The following LOC112694756 variants were observed in gnomAD, a reference collection of about 807,000 sequenced individuals.
chr16:30,063,086 A>G, the LOC112694756 span, among the ~76,000 whole-genome samples: 2 of 151,776 alleles, frequency 1.3e-5, no homozygotes, highest in African/African-American at 4.8e-5. Flanking sequence ...GGTTGCAGTG[A>G]GCCAAGATCG....
the LOC112694756 span, among the ~76,000 whole-genome samples, chr16:30,057,541 G>C: frequency 6.6e-6 from 1 of 152,186 alleles, no homozygotes; most frequent in South Asian, 2.1e-4. Context: ...CCCTGCCCTT[G>C]GAGTGGTGAC....
At chr16:30,065,055 G>A in the LOC112694756 span, among the ~76,000 whole-genome samples, 3 of 152,378 alleles carry the variant, frequency 2.0e-5, no homozygotes, top group East Asian at 3.9e-4. Context: ...TGGCGCAGAG[G>A]ACTACCAGCC....
At chr16:30,061,221 C>T in the LOC112694756 span, among the ~76,000 whole-genome samples, 2 of 152,386 alleles carry the variant, frequency 1.3e-5, no homozygotes, top group East Asian at 1.9e-4. Context: ...TCTAAGGACA[C>T]GCTGCTCCTA....
chr16:30,066,655 T>G, the LOC112694756 span, among the ~76,000 whole-genome samples: 5 of 152,190 alleles, frequency 3.3e-5, no homozygotes, highest in Non-Finnish European at 7.3e-5. Flanking sequence ...GGGATGTCCT[T>G]GAAGCCTTGG....
chr16:30,057,630 C>T, the LOC112694756 span, among the ~76,000 whole-genome samples: 2 of 152,128 alleles, frequency 1.3e-5, no homozygotes, highest in Admixed American at 6.6e-5. Flanking sequence ...TAATCCCTGG[C>T]ATGTTTTCAG....
At chr16:30,065,391 C>T in the LOC112694756 span, among the ~76,000 whole-genome samples, 1 of 152,148 alleles carries the variant, frequency 6.6e-6, no homozygotes. Context: ...GCCTGGGAGG[C>T]GAAACTCAGC....
chr16:30,058,605 C>T, the LOC112694756 span, among the ~76,000 whole-genome samples: 11 of 152,002 alleles, frequency 7.2e-5, no homozygotes, highest in Non-Finnish European at 1.3e-4. Context: ...CCTGCCTCAG[C>T]CTCCTGAGTA....
chr16:30,061,096 T>G, the LOC112694756 span, among the ~76,000 whole-genome samples: 4 of 152,272 alleles, frequency 2.6e-5, no homozygotes, highest in African/African-American at 9.6e-5. Context: ...ACAGCCATCC[T>G]GGGCCACTTC....
chr16:30,055,193 G>A, the LOC112694756 span: 183 of 399,358 alleles, frequency 4.6e-4, 1 homozygote, highest in Middle Eastern at 7.5e-3. Context: ...CTGCGCGGAC[G>A]GTAGCTCCCC....
the LOC112694756 span, among the ~76,000 whole-genome samples, chr16:30,061,757 G>A: frequency 4.0e-5 from 6 of 150,848 alleles, no homozygotes; most frequent in African/African-American, 1.5e-4. Flanking sequence ...AAGAGGTTTC[G>A]CCATGTTGGC....
the LOC112694756 span, chr16:30,053,445 C>T: frequency 3.4e-3 from 517 of 153,014 alleles, 2 homozygotes; most frequent in Non-Finnish European, 5.7e-3. Context: ...CTCTGAGACC[C>T]AGAACCTTCC....
chr16:30,054,382 G>A, the LOC112694756 span, among the ~76,000 whole-genome samples: 2 of 151,910 alleles, frequency 1.3e-5, no homozygotes, highest in African/African-American at 4.8e-5. Context: ...AGCCATTGAC[G>A]GATTGTAAGG....
the LOC112694756 span, among the ~76,000 whole-genome samples, chr16:30,062,649 C>T: frequency 6.6e-6 from 1 of 151,474 alleles, no homozygotes; most frequent in Non-Finnish European, 1.5e-5. Flanking sequence ...CAAGACCAGC[C>T]TGGTCAACAT....
At chr16:30,068,969 C>T in the LOC112694756 span, 4 of 1,614,256 alleles carry the variant, frequency 2.5e-6, no homozygotes, top group Non-Finnish European at 2.5e-6. Flanking sequence ...ATGCCAGTAT[C>T]TGCCAGCAGG....
the LOC112694756 span, among the ~76,000 whole-genome samples, chr16:30,062,842 GA>G: frequency 0.024 from 2,791 of 117,590 alleles, 64 homozygotes; most frequent in African/African-American, 0.07. Flanking sequence ...CTCCATCTCG[GA>G]AAAAAAAAAA....
the LOC112694756 span, among the ~76,000 whole-genome samples, chr16:30,062,608 C>G: frequency 6.6e-5 from 10 of 151,682 alleles, no homozygotes; most frequent in Non-Finnish European, 1.0e-4. Flanking sequence ...TTTGGGAGGC[C>G]AAGGCGGGCA....
chr16:30,061,549 T>TC, the LOC112694756 span, among the ~76,000 whole-genome samples: 2 of 38,700 alleles, frequency 5.2e-5, no homozygotes, highest in East Asian at 2.3e-3. Context: ...CTCCATTTCC[T>TC]TTTTTTTTTT....
chr16:30,069,529 GACC>G, the LOC112694756 span: 1 of 1,614,084 alleles, frequency 6.2e-7, no homozygotes, highest in Non-Finnish European at 8.5e-7. Context: ...GGCTCTGAGT[GACC>G]ACCACATCTA....
the LOC112694756 span, chr16:30,059,081 A>G: frequency 5.0e-6 from 2 of 398,466 alleles, no homozygotes; most frequent in East Asian, 3.6e-5. Context: ...AAAGCCAGGC[A>G]TCTAGGCCCC....
Sources: gnomAD v4.1 joint callset for allele counts (sites outside exome capture counted in the v4.1 genomes callset) on GRCh38, gnomAD v4.1.1 for gene constraint, MANE v1.5 for transcripts.